MICU1: variants seen among roughly 807,000 people sequenced by gnomAD.
MICU1 encodes the protein calcium uptake protein 1, mitochondrial.
In MICU1, 45 loss-of-function variants were observed where a neutral mutation model predicts 56.8. The observed-to-expected ratio is 0.79, with a 90% CI of 0.62 to 1.02. The LOEUF is 1.02. Ranked by LOEUF, MICU1 falls within the 50% of genes least tolerant of loss-of-function variation. The probability of loss-of-function intolerance (pLI) is 0.00; values close to 1 mark genes in which losing one functional copy is unlikely to be tolerated. For synonymous variants in MICU1, 186 were observed against 195.1 expected (o/e 0.95, Z 0.39); for missense variants, 504 against 587.1 (o/e 0.86, Z 1.46).
intron 5 of MICU1, among the ~76,000 whole-genome samples, chr10:72,511,604 T>C (rs1867451043): frequency 6.6e-6 from 1 of 152,166 alleles, no homozygotes. Context: ...AGTCTTTTCA[T>C]GAGATAAGTT....
At chr10:72,447,072 C>A (rs912147870) in intron 8 of MICU1, among the ~76,000 whole-genome samples, 1 of 152,112 alleles carries the variant, frequency 6.6e-6, no homozygotes, top group Non-Finnish European at 1.5e-5. Flanking sequence ...AAGAGATGGG[C>A]AAGACTGGAA....
At chr10:72,532,591 G>T (rs763247051) in intron 5 of MICU1, among the ~76,000 whole-genome samples, 4 of 152,144 alleles carry the variant, frequency 2.6e-5, no homozygotes, top group Non-Finnish European at 5.9e-5. Context: ...CATAGATAAA[G>T]CAGAGACACC....
At chr10:72,393,309 T>TA (rs1863140271) in intron 10 of MICU1, among the ~76,000 whole-genome samples, 1 of 152,088 alleles carries the variant, frequency 6.6e-6, no homozygotes, top group Non-Finnish European at 1.5e-5. Flanking sequence ...ATAAATGCTA[T>TA]AAAAAATAGG....
chr10:72,513,091 T>C (rs1867532784), intron 5 of MICU1, among the ~76,000 whole-genome samples: 1 of 152,114 alleles, frequency 6.6e-6, no homozygotes, highest in Non-Finnish European at 1.5e-5. Flanking sequence ...GCTGCATCCT[T>C]GATCTCCTGG....
intron 5 of MICU1, 122 bp from the exon 6 acceptor site, chr10:72,508,391 C>A (rs1380499406): frequency 2.3e-6 from 1 of 438,560 alleles, no homozygotes; most frequent in African/African-American, 2.0e-5. Flanking sequence ...GCATTTCTCT[C>A]ATGGCCATTC....
Position 72,547,861 on chromosome 10 carries a change from CAGCAGAAA to C in MICU1, c.493+3310_493+3317del, listed in dbSNP as rs950683082. On this transcript the variant is annotated intron_variant, in intron 4 of 11. Transcript: ENST00000361114. ...AAGGACTAAGAAAAGTGAAACAGGT[CAGCAGAAA>C]AAGCCAATTCAAGGGTATGTTATTA... is the stretch of plus-strand genomic sequence containing the variant. 1.2e-3 allele frequency among the ~76,000 whole-genome samples: 185 copies of C among 152,234 alleles called. 1 individual carries two copies. The highest frequency in any genetic ancestry group is 4.0e-3 in the African/African-American group (166 of 41,540).
chr10:72,432,500 A>C (rs1225537192), intron 8 of MICU1, among the ~76,000 whole-genome samples: 3 of 152,144 alleles, frequency 2.0e-5, no homozygotes, highest in African/African-American at 7.2e-5. Context: ...TAATTCATAA[A>C]GAAAAGAGGT....
chr10:72,391,070 G>A (rs944255271), intron 10 of MICU1, among the ~76,000 whole-genome samples: 7 of 152,234 alleles, frequency 4.6e-5, no homozygotes, highest in African/African-American at 1.7e-4. Context: ...AACCCTATGA[G>A]GTGGGTCCAG....
At chr10:72,438,384 G>A (rs189847417) in intron 8 of MICU1, among the ~76,000 whole-genome samples, 3 of 152,322 alleles carry the variant, frequency 2.0e-5, no homozygotes, top group East Asian at 3.9e-4. Flanking sequence ...GAATCTCTGG[G>A]ACACATTTAA....
intron 1 of MICU1, among the ~76,000 whole-genome samples, chr10:72,595,189 A>G (rs1354091521): frequency 6.6e-6 from 1 of 151,828 alleles, no homozygotes; most frequent in East Asian, 1.9e-4. Flanking sequence ...GGTGGCTCAC[A>G]TCTGTAATCT....
intron 3 of MICU1, among the ~76,000 whole-genome samples, chr10:72,555,916 T>C (rs559549720): frequency 7.9e-5 from 12 of 152,354 alleles, no homozygotes; most frequent in African/African-American, 2.9e-4. Flanking sequence ...ACCAGTTTTA[T>C]GGCTTAATTT....
intron 8 of MICU1, among the ~76,000 whole-genome samples, chr10:72,429,431 A>AG (rs1554867459): frequency 2.6e-5 from 4 of 151,764 alleles, no homozygotes; most frequent in African/African-American, 9.7e-5. Context: ...AAAAAAAAAA[A>AG]AAAAGAAAAA....
At chr10:72,537,909 A>G (rs925329869) in intron 4 of MICU1, among the ~76,000 whole-genome samples, 10 of 152,180 alleles carry the variant, frequency 6.6e-5, no homozygotes, top group African/African-American at 2.4e-4. Context: ...CAACTGAATC[A>G]AATATGTCAT....
chr10:72,374,887 G>A (rs1862466998), intron 11 of MICU1, among the ~76,000 whole-genome samples: 2 of 128,296 alleles, frequency 1.6e-5, no homozygotes, highest in South Asian at 2.4e-4. Flanking sequence ...CACGATCTCT[G>A]CTCCCTGCTG....
At chr10:72,429,044 C>T (rs1017267965) in intron 8 of MICU1, among the ~76,000 whole-genome samples, 12 of 152,124 alleles carry the variant, frequency 7.9e-5, no homozygotes, top group Admixed American at 2.6e-4. Context: ...AGATAATATT[C>T]GTGACCTCAA....
intron 8 of MICU1, among the ~76,000 whole-genome samples, chr10:72,453,924 C>T (rs963436393): frequency 6.6e-6 from 1 of 152,068 alleles, no homozygotes; most frequent in African/African-American, 2.4e-5. Flanking sequence ...CAAACTCCAC[C>T]TCCCTGGTTC....
rs554189475 is a variant in MICU1 at position 72,445,801 on chromosome 10, A to C, written c.934-22430T>G. The stretch of plus-strand genomic sequence containing the variant: ...AAGCCTCAGTTCCCTCATCTATAAA[A>C]TCAGTATAAAAGCAGTACCTCCCTC... On this transcript the variant is annotated intron_variant, in intron 8 of 11. Transcript: ENST00000361114. 2.3e-4 allele frequency among the ~76,000 whole-genome samples: 35 copies of C among 152,324 alleles called. No homozygotes were observed. In the South Asian group the frequency reaches 7.0e-3, roughly 31 times the overall value.
chr10:72,616,786 G>A (rs1841993968), intron 1 of MICU1, among the ~76,000 whole-genome samples: 1 of 152,132 alleles, frequency 6.6e-6, no homozygotes, highest in East Asian at 1.9e-4. Context: ...GAATACTTGA[G>A]ACGGATCCTC....
intron 10 of MICU1, among the ~76,000 whole-genome samples, chr10:72,389,795 C>G (rs1863007508): frequency 6.6e-6 from 1 of 152,178 alleles, no homozygotes; most frequent in Non-Finnish European, 1.5e-5. Context: ...GAAGCTCACT[C>G]TAGAGCTCCA....
Sources: allele counts gnomAD v4.1 joint callset (sites outside exome capture counted in the v4.1 genomes callset), GRCh38; gene constraint gnomAD v4.1.1; transcripts MANE v1.5; gene names NCBI Gene and HGNC (gene_info 2026-07-23, HGNC 2026-07-21).